PRKG1: variants seen among roughly 807,000 people sequenced by gnomAD.
PRKG1 encodes cGMP-dependent protein kinase 1.
Under a neutral mutation model 88.1 loss-of-function variants are expected in PRKG1, and 35 were observed. The observed-to-expected ratio is 0.40, with a 90% CI of 0.30 to 0.53. The LOEUF is 0.53. PRKG1 is among the 20% of genes least tolerant of loss of function. The pLI, the probability that PRKG1 is intolerant of heterozygous loss-of-function variation, is 0.59. For missense variants in PRKG1, 540 were observed against 839.8 expected (o/e 0.64, Z 4.41); for synonymous variants, 303 against 292.5 (o/e 1.04, Z -0.37).
In PRKG1 at chr10:51,410,347, A is replaced by G. The variant is rs150971999; in HGVS notation, c.479-57376A>G. ...CAGTCACAAGGTCCCACAATAGGCC[A>G]TCTACAAGCTGAGGAGCAAGGAGAG... is the stretch of plus-strand genomic sequence containing the variant. On this transcript the variant is annotated intron_variant, in intron 2 of 17. Coordinates refer to ENST00000373980, the MANE Select transcript of PRKG1 (RefSeq NM_006258.4). Among the ~76,000 whole-genome samples the G allele has an allele frequency of 3.2e-3, 488 of 151,732 alleles. 5 individuals are homozygous for G. The highest frequency in any genetic ancestry group is 0.01 in the Middle Eastern group (3 of 294).
intron 3 of PRKG1, among the ~76,000 whole-genome samples, chr10:51,771,205 G>GA (rs1048713030): frequency 3.3e-5 from 5 of 151,460 alleles, no homozygotes; most frequent in East Asian, 1.9e-4. Context: ...TCTAAAGCTA[G>GA]AAAAAAAAAG....
intron 9 of PRKG1, among the ~76,000 whole-genome samples, chr10:52,225,179 G>A (rs1407055224): frequency 6.6e-6 from 1 of 151,872 alleles, no homozygotes; most frequent in Non-Finnish European, 1.5e-5. Context: ...GGCTATTCTT[G>A]CAGGAGTAAG....
intron 1 of PRKG1, among the ~76,000 whole-genome samples, chr10:51,099,817 A>G (rs1292612147): frequency 1.3e-5 from 2 of 152,190 alleles, no homozygotes; most frequent in Non-Finnish European, 2.9e-5. Flanking sequence ...CTTTGCTGTG[A>G]GTATAATTTT....
chr10:51,509,179 T>A (rs919197396), intron 3 of PRKG1, among the ~76,000 whole-genome samples: 19 of 152,304 alleles, frequency 1.2e-4, no homozygotes, highest in African/African-American at 4.6e-4. Context: ...AAGCCCTGAT[T>A]GACACAATGC....
chr10:52,185,433 C>T (rs915194862), intron 9 of PRKG1, among the ~76,000 whole-genome samples: 2 of 152,160 alleles, frequency 1.3e-5, no homozygotes, highest in Non-Finnish European at 2.9e-5. Context: ...GCAGGGTGTA[C>T]CCCCTGTGGC....
chr10:51,324,314 C>A (rs1185903284), intron 2 of PRKG1, among the ~76,000 whole-genome samples: 1 of 152,066 alleles, frequency 6.6e-6, no homozygotes, highest in Non-Finnish European at 1.5e-5. Context: ...TGAGATCCAC[C>A]TTTTTAGCTC....
intron 4 of PRKG1, among the ~76,000 whole-genome samples, chr10:51,881,230 C>A (rs1225365005): frequency 6.6e-6 from 1 of 152,160 alleles, no homozygotes; most frequent in Non-Finnish European, 1.5e-5. Context: ...TACATGGCCT[C>A]AAATAGTGTT....
chr10:51,119,374 T>C (rs1164812250), intron 1 of PRKG1, among the ~76,000 whole-genome samples: 4 of 152,070 alleles, frequency 2.6e-5, no homozygotes, highest in Non-Finnish European at 5.9e-5. Flanking sequence ...ATTTGCATAA[T>C]TAGAGAAATT....
intron 1 of PRKG1, among the ~76,000 whole-genome samples, chr10:51,040,311 C>CTTT (rs34444612): frequency 2.3e-4 from 10 of 42,614 alleles, no homozygotes; most frequent in African/African-American, 3.7e-4. Context: ...TTCTTTTTCT[C>CTTT]TTTTTTTTTT....
chr10:51,815,994 C>A lies in PRKG1; in HGVS notation c.698+11304C>A, dbSNP rs542197789. 1.2e-3 allele frequency among the ~76,000 whole-genome samples: 178 copies of A among 152,244 alleles called. 1 individual carries two copies. Among genetic ancestry groups the A allele is most frequent in the African/African-American group, 4.1e-3 (171 of 41,544 alleles). On this transcript the variant is annotated intron_variant, in intron 4 of 17. Coordinates refer to ENST00000373980, the MANE Select transcript of PRKG1 (RefSeq NM_006258.4). ...GCAGTGAGGGAGAGCAAGGGAAATC[C>A]AAAACTCAAAACAGAATAAGCTGGC...
At chr10:51,747,390 T>A (rs1837608764) in intron 3 of PRKG1, among the ~76,000 whole-genome samples, 1 of 152,198 alleles carries the variant, frequency 6.6e-6, no homozygotes, top group Admixed American at 6.5e-5. Context: ...GAATTCAGCA[T>A]GCTTCCCACA....
intron 2 of PRKG1, among the ~76,000 whole-genome samples, chr10:51,405,349 C>T (rs1837880068): frequency 6.6e-6 from 1 of 152,110 alleles, no homozygotes; most frequent in Non-Finnish European, 1.5e-5. Flanking sequence ...TTCCTTTAAC[C>T]CTTAGAGGAG....
intron 1 of PRKG1, among the ~76,000 whole-genome samples, chr10:51,030,903 C>T (rs1413096941): frequency 6.6e-6 from 1 of 152,138 alleles, no homozygotes; most frequent in Non-Finnish European, 1.5e-5. Flanking sequence ...TTATAAATTA[C>T]CCAGCCTCAG....
intron 3 of PRKG1, among the ~76,000 whole-genome samples, chr10:51,689,844 T>C (rs1225804974): frequency 6.6e-6 from 1 of 152,108 alleles, no homozygotes; most frequent in South Asian, 2.1e-4. Context: ...CAAATTCAAT[T>C]AAATAAAACT....
chr10:51,808,820 T>TA (rs1323717628), intron 4 of PRKG1, among the ~76,000 whole-genome samples: 1 of 152,122 alleles, frequency 6.6e-6, no homozygotes, highest in Non-Finnish European at 1.5e-5. Flanking sequence ...GCAATGCTAT[T>TA]AAAAAAATGA....
chr10:51,643,088 A>T (rs944247746), intron 3 of PRKG1, among the ~76,000 whole-genome samples: 29 of 149,248 alleles, frequency 1.9e-4, no homozygotes, highest in East Asian at 1.2e-3. Context: ...GATTTTTTTT[A>T]AAAAATATGT....
In PRKG1 at chr10:52,290,213, T is replaced by C; in HGVS notation, c.1896-11T>C. On this transcript the variant is annotated splice_polypyrimidine_tract_variant and intron_variant, in intron 16 of 17. Transcript: ENST00000373980. ...ACAAAATGTTTTTATCAACGTTTTT[T>C]CCTTTTCTAGATGGTTTGAGGGCTT... 6.2e-7 allele frequency: 1 copy of C among 1,611,536 alleles called. No homozygotes were observed.
chr10:51,113,938 T>C (rs1379185753), intron 1 of PRKG1, among the ~76,000 whole-genome samples: 1 of 139,896 alleles, frequency 7.1e-6, no homozygotes, highest in Admixed American at 7.4e-5. Context: ...AAAGTCAGCC[T>C]GTAAACGTGT....
chr10:51,391,714 A>G (rs1198972168), intron 2 of PRKG1, among the ~76,000 whole-genome samples: 3 of 152,220 alleles, frequency 2.0e-5, no homozygotes, highest in Non-Finnish European at 4.4e-5. Context: ...GGATAATAGA[A>G]ACTCATCAGT....
Sources: gnomAD v4.1 joint callset for allele counts (sites outside exome capture counted in the v4.1 genomes callset) on GRCh38, gnomAD v4.1.1 for gene constraint, MANE v1.5 for transcripts, NCBI Gene and HGNC (gene_info 2026-07-23, HGNC 2026-07-21) for gene names.